The following HOOK3 variants were observed in gnomAD, a reference collection of about 807,000 sequenced individuals.
HOOK3 encodes protein Hook homolog 3.
In HOOK3, 24 loss-of-function variants were observed where a neutral mutation model predicts 116.3. The observed-to-expected ratio is 0.21, with a 90% confidence interval of 0.15 to 0.29. The LOEUF is 0.29. HOOK3 is among the 10% of genes least tolerant of loss of function. The pLI is 1.00. For synonymous variants in HOOK3, 275 were observed against 283.0 expected, an observed-to-expected ratio of 0.97 and a Z score of 0.28; for missense variants, 632 against 830.2, an observed-to-expected ratio of 0.76 and a Z score of 2.93.
chr8:42,997,024 A>C (rs1189065723), intron 15 of HOOK3, among the ~76,000 whole-genome samples: 1 of 147,366 alleles, frequency 6.8e-6, no homozygotes, highest in South Asian at 2.1e-4. Flanking sequence ...CTCCTACCTC[A>C]TCCCCACAAG....
intron 13 of HOOK3, among the ~76,000 whole-genome samples, chr8:42,982,073 G>A (rs555395406): frequency 6.6e-6 from 1 of 150,820 alleles, no homozygotes; most frequent in South Asian, 2.1e-4. Flanking sequence ...GGCCAATGTG[G>A]TGAAACCCCA....
rs1158036252 is a variant in HOOK3 at position 43,025,948 on chromosome 8, G to A, written c.*7450G>A. On this transcript the variant is annotated 3_prime_UTR_variant, in exon 22 of 22. Coordinates refer to ENST00000307602, the MANE Select transcript of HOOK3 (RefSeq NM_032410.4). ...AGAGGTGTCCACGGCCTCAAAGTTT[G>A]GGCCCATGGGACTATCAAATCCGAA... 9.6e-6 allele frequency: 2 copies of A among 209,058 alleles called. No individual in the cohort carries two copies. The highest frequency in any genetic ancestry group is 1.9e-5 in the Non-Finnish European group (2 of 102,888). 13.0% of individuals were successfully genotyped at this position (209,058 alleles called of 1,614,324 possible). A position where few individuals can be genotyped will look rare whatever the true frequency, so the allele number is the denominator to read the frequency against.
intron 2 of HOOK3, among the ~76,000 whole-genome samples, chr8:42,920,851 A>T (rs890227953): frequency 2.0e-5 from 3 of 152,230 alleles, no homozygotes; most frequent in Non-Finnish European, 4.4e-5. Flanking sequence ...GGTTTTGTGA[A>T]TGCGCAGTGC....
Position 43,022,421 on chromosome 8 carries a change from C to T in HOOK3, c.*3923C>T, listed in dbSNP as rs1274611866. The T allele has an allele frequency of 9.8e-6, 2 of 203,066 alleles. No individual in the cohort carries two copies. Among genetic ancestry groups the T allele is most frequent in the East Asian group, 7.5e-5 (1 of 13,272 alleles). The allele number at this position is 203,066 out of a possible 1,614,324, so 12.6% of individuals were successfully genotyped here. A position where few individuals can be genotyped will look rare whatever the true frequency, so the allele number is the denominator to read the frequency against. On this transcript the variant is annotated 3_prime_UTR_variant, in exon 22 of 22. Coordinates refer to ENST00000307602, the MANE Select transcript of HOOK3 (RefSeq NM_032410.4). ...CCAGCATGGAGCAAGTACAGGGTTGCTGTGTTGGGTTGGAGCACACTGTCA... is the reference window on the plus strand; with the variant it reads ...CCAGCATGGAGCAAGTACAGGGTTGTTGTGTTGGGTTGGAGCACACTGTCA...
At chr8:42,947,480 TC>T (rs1808251724) in intron 5 of HOOK3, among the ~76,000 whole-genome samples, 1 of 152,170 alleles carries the variant, frequency 6.6e-6, no homozygotes, top group South Asian at 2.1e-4. Context: ...AAGAAGATAG[TC>T]AATTATAATA....
intron 2 of HOOK3, among the ~76,000 whole-genome samples, chr8:42,918,912 C>G (rs1313175346): frequency 6.6e-6 from 1 of 152,234 alleles, no homozygotes; most frequent in African/African-American, 2.4e-5. Flanking sequence ...CATCATGGCC[C>G]GTTCTCAATG....
At chr8:43,007,970 T>A (rs1809524627) in intron 18 of HOOK3, 41 bp downstream of exon 18, 1 of 1,002,420 alleles carries the variant, frequency 1.0e-6, no homozygotes, top group Non-Finnish European at 1.6e-6. Flanking sequence ...GTGGGCTTGC[T>A]GTATACTGCC....
intron 5 of HOOK3, among the ~76,000 whole-genome samples, chr8:42,947,279 T>C (rs954381705): frequency 1.3e-5 from 2 of 152,214 alleles, no homozygotes; most frequent in South Asian, 2.1e-4. Context: ...AATTATTTAA[T>C]TGAAGTTGAT....
intron 13 of HOOK3, among the ~76,000 whole-genome samples, chr8:42,978,021 G>T (rs945215298): frequency 1.3e-5 from 2 of 152,182 alleles, no homozygotes; most frequent in African/African-American, 4.8e-5. Flanking sequence ...TGCAGCTCGA[G>T]CTAGTAACTA....
At chr8:42,931,793 C>T (rs553133794) in intron 4 of HOOK3, among the ~76,000 whole-genome samples, 1 of 151,874 alleles carries the variant, frequency 6.6e-6, no homozygotes, top group South Asian at 2.1e-4. Context: ...CTCGCTGTGT[C>T]GCCCAGGGTA....
intron 17 of HOOK3, among the ~76,000 whole-genome samples, chr8:43,004,694 A>AAAG (rs1554515731): frequency 2.6e-5 from 4 of 151,492 alleles, no homozygotes; most frequent in African/African-American, 9.7e-5. Context: ...AAAAAAAAAA[A>AAAG]AAAAAAAACT....
intron 13 of HOOK3, among the ~76,000 whole-genome samples, chr8:42,982,092 A>G (rs568733493): frequency 6.7e-6 from 1 of 149,352 alleles, no homozygotes; most frequent in South Asian, 2.1e-4. Context: ...CATCTCTTCT[A>G]AAAATACAAA....
At chr8:42,946,574 T>C (rs540831894) in intron 5 of HOOK3, among the ~76,000 whole-genome samples, 22 of 152,206 alleles carry the variant, frequency 1.4e-4, no homozygotes, top group African/African-American at 5.3e-4. Context: ...TTACCCCTTA[T>C]AGTGCAAAAC....
At chr8:42,997,982 T>G (rs1809311859) in intron 16 of HOOK3, 1 of 252,592 alleles carries the variant, frequency 4.0e-6, no homozygotes, top group Non-Finnish European at 7.7e-6. Flanking sequence ...GAATTTGGAG[T>G]GTTCAAGTAG....
intron 5 of HOOK3, among the ~76,000 whole-genome samples, chr8:42,945,095 G>A (rs1808201666): frequency 6.6e-6 from 1 of 151,968 alleles, no homozygotes; most frequent in African/African-American, 2.4e-5. Context: ...TCAAGGACTT[G>A]GAGTAGATCA....
At chr8:42,994,519 T>TTG in intron 15 of HOOK3, 1 of 322,568 alleles carries the variant, frequency 3.1e-6, no homozygotes, top group South Asian at 2.5e-5. Flanking sequence ...TTATCATTTG[T>TTG]TTCAATAAAT....
At chr8:42,900,310 T>A (rs1807159574) in intron 1 of HOOK3, among the ~76,000 whole-genome samples, 1 of 152,166 alleles carries the variant, frequency 6.6e-6, no homozygotes. Flanking sequence ...CTGTGAAGCC[T>A]AATTTCTTGA....
At chr8:42,911,366 G>C (rs1379235192) in intron 2 of HOOK3, among the ~76,000 whole-genome samples, 4 of 152,126 alleles carry the variant, frequency 2.6e-5, no homozygotes, top group Non-Finnish European at 5.9e-5. Flanking sequence ...AAGGAGAATT[G>C]CTTGAACCGG....
intron 2 of HOOK3, among the ~76,000 whole-genome samples, chr8:42,923,152 T>C (rs1338126742): frequency 6.6e-6 from 1 of 152,154 alleles, no homozygotes; most frequent in African/African-American, 2.4e-5. Flanking sequence ...ATCAAAACCA[T>C]GGTGAGACAC....
Sources: gnomAD v4.1 joint callset for allele counts (sites outside exome capture counted in the v4.1 genomes callset) on GRCh38, gnomAD v4.1.1 for gene constraint, MANE v1.5 for transcripts, NCBI Gene and HGNC (gene_info 2026-07-23, HGNC 2026-07-21) for gene names.